The following TDRP variants were observed in gnomAD, a reference collection of about 807,000 sequenced individuals.
The protein encoded by TDRP is testis development related protein.
TDRP carries 12 observed loss-of-function variants against 10.5 expected under a neutral mutation model. The ratio of observed to expected loss-of-function variants is 1.15; its 90% CI spans 0.73 to 1.86. The LOEUF (loss-of-function observed/expected upper bound fraction) is 1.86. Among genes scored for constraint, TDRP ranks in the 40% most tolerant of loss-of-function variants. The pLI, the probability that TDRP is intolerant of heterozygous loss-of-function variation, is 0.00. For synonymous variants in TDRP, 139 were observed against 95.4 expected (o/e 1.46, Z -2.67); for missense variants, 353 against 229.2 (o/e 1.54, Z -3.49).
At position 491,508 on chromosome 8, in the gene TDRP, C is replaced by T. The variant is rs1477648478; in HGVS notation, c.*891G>A. 4.5e-6 allele frequency: 5 copies of T among 1,113,752 alleles called. No homozygotes were observed. Among genetic ancestry groups the T allele is most frequent in the Non-Finnish European group, 6.2e-6 (5 of 811,922 alleles). 69.0% of individuals were successfully genotyped at this position (1,113,752 alleles called of 1,614,324 possible). A position where few individuals can be genotyped will look rare whatever the true frequency, so the allele number is the denominator to read the frequency against. On this transcript the variant is annotated 3_prime_UTR_variant, in exon 3 of 3. Transcript: ENST00000324079. The stretch of plus-strand genomic sequence containing the variant: ...AACACAGCTTCTTACAGATCTAACA[C>T]CAATCACAATAGGCATCTCGCTTTG...
At chr8:532,839 ACGATCGTTCATTTACAAGT>A (rs1023651104) in intron 1 of TDRP, among the ~76,000 whole-genome samples, 3 of 125,110 alleles carry the variant, frequency 2.4e-5, no homozygotes, top group Non-Finnish European at 5.9e-5. Flanking sequence ...GAACCCAGCC[ACGATCGTTCATTTACAAGT>A]TGCCTACGGC....
At chr8:539,282 A>C (rs926630260) in intron 1 of TDRP, among the ~76,000 whole-genome samples, 3 of 152,252 alleles carry the variant, frequency 2.0e-5, no homozygotes, top group Non-Finnish European at 1.5e-5. Flanking sequence ...AAGAAGCTGG[A>C]GCTCCCTCTG....
At chr8:519,860 C>G (rs1048727084) in intron 1 of TDRP, among the ~76,000 whole-genome samples, 1 of 152,208 alleles carries the variant, frequency 6.6e-6, no homozygotes, top group Non-Finnish European at 1.5e-5. Context: ...GGTGAAGGGG[C>G]TGGCGCCACT....
At chr8:522,801 GT>G (rs2116827176) in intron 1 of TDRP, among the ~76,000 whole-genome samples, 1 of 152,256 alleles carries the variant, frequency 6.6e-6, no homozygotes, top group East Asian at 1.9e-4. Flanking sequence ...TTTTGTGACA[GT>G]TTTTGACTTT....
At chr8:511,234 G>A (rs1270916619) in intron 1 of TDRP, among the ~76,000 whole-genome samples, 1 of 152,114 alleles carries the variant, frequency 6.6e-6, no homozygotes, top group Non-Finnish European at 1.5e-5. Flanking sequence ...CTGCCTATAG[G>A]AGACACACTT....
chr8:526,846 TC>T (rs1356686176), intron 1 of TDRP, among the ~76,000 whole-genome samples: 2 of 152,110 alleles, frequency 1.3e-5, no homozygotes, highest in Non-Finnish European at 1.5e-5. Flanking sequence ...GTACTGGAAG[TC>T]CTAGCTAGAG....
intron 1 of TDRP, among the ~76,000 whole-genome samples, chr8:521,292 C>T (rs894820242): frequency 1.9e-4 from 29 of 151,130 alleles, no homozygotes; most frequent in Middle Eastern, 3.5e-3. Context: ...TGGTGGGCGC[C>T]TGTAGTCCCA....
chr8:512,675 T>C (rs1471904658), intron 1 of TDRP, among the ~76,000 whole-genome samples: 1 of 151,700 alleles, frequency 6.6e-6, no homozygotes, highest in African/African-American at 2.4e-5. Flanking sequence ...TCTGAATACA[T>C]ATATAACAAG....
intron 1 of TDRP, among the ~76,000 whole-genome samples, chr8:537,434 A>C (rs1802376086): frequency 6.6e-6 from 1 of 152,126 alleles, no homozygotes; most frequent in African/African-American, 2.4e-5. Flanking sequence ...AAAAGCATTA[A>C]CTATTTCTAT....
At chr8:513,110 C>CA (rs36060467) in intron 1 of TDRP, among the ~76,000 whole-genome samples, 38,601 of 147,008 alleles carry the variant, frequency 0.26, 6,362 homozygotes, top group African/African-American at 0.48. Context: ...CACACTATTT[C>CA]AAAAAAAAAA....
chr8:522,036 T>A (rs1373812198), intron 1 of TDRP, among the ~76,000 whole-genome samples: 1 of 152,218 alleles, frequency 6.6e-6, no homozygotes, highest in Non-Finnish European at 1.5e-5. Context: ...TGTAAAAATG[T>A]GCCTGACTTT....
chr8:528,471 G>T lies in TDRP; in HGVS notation c.108+16179C>A, dbSNP rs892711506. Reference sequence around the variant, plus strand: ...GATATCTGTGCTTCCAATATATATTGCAGCACTGTTCACAACAGCCAAGAT... The same window carrying T: ...GATATCTGTGCTTCCAATATATATTTCAGCACTGTTCACAACAGCCAAGAT... On this transcript the variant is annotated intron_variant, in intron 1 of 2. Transcript: ENST00000324079. Among the ~76,000 whole-genome samples the T allele has an allele frequency of 4.6e-5, 7 of 150,656 alleles. 1 individual carries two copies. The East Asian group carries it at 6.0e-4, about 13-fold the overall frequency.
intron 1 of TDRP, among the ~76,000 whole-genome samples, chr8:499,645 T>A (rs1801231927): frequency 6.6e-6 from 1 of 152,204 alleles, no homozygotes; most frequent in African/African-American, 2.4e-5. Flanking sequence ...TGAGGAGTGC[T>A]GTGAGGCCAC....
chr8:529,557 G>A (rs1802128880), intron 1 of TDRP, among the ~76,000 whole-genome samples: 1 of 122,882 alleles, frequency 8.1e-6, no homozygotes, highest in African/African-American at 3.2e-5. Context: ...TAGATCTAGT[G>A]GTGGTGAACT....
chr8:544,697 G>C lies in TDRP; in HGVS notation c.61C>G (p.Leu21Val). 8.0e-7 allele frequency: 1 copy of C among 1,245,892 alleles called. No individual in the cohort carries two copies. The highest frequency in any genetic ancestry group is 3.7e-5 in the South Asian group (1 of 27,030). The allele number at this position is 1,245,892 out of a possible 1,614,324, so 77.2% of individuals were successfully genotyped here. A position where few individuals can be genotyped will look rare whatever the true frequency, so the allele number is the denominator to read the frequency against. The change falls in exon 1 of 3, where the codon CTG becomes GTG. Residue 21 changes from leucine (L) to valine (V), a missense_variant. Transcript: ENST00000324079. ...GCGGCCGGTGGCGGCCCCCCACGCA[G>C]GCCGTCCTCCTCCTCGGGGGGCTCG... ...LDEPPEEEDG[L>V]RGGPPPAAAA...
intron 2 of TDRP, 141 bp from the exon 3 acceptor site, chr8:492,885 T>C: frequency 2.7e-6 from 2 of 731,280 alleles, no homozygotes; most frequent in Admixed American, 3.4e-5. Flanking sequence ...AAGTTTCAAA[T>C]ATTAAAATTA....
At chr8:505,150 T>C (rs1371139151) in intron 1 of TDRP, among the ~76,000 whole-genome samples, 1 of 152,170 alleles carries the variant, frequency 6.6e-6, no homozygotes, top group Non-Finnish European at 1.5e-5. Flanking sequence ...AACCAAAAAT[T>C]CTCAACACTG....
intron 1 of TDRP, among the ~76,000 whole-genome samples, chr8:504,570 T>C (rs1217459235): frequency 6.6e-6 from 1 of 152,200 alleles, no homozygotes. Context: ...CAAACCGTGA[T>C]TCGCAGACAG....
chr8:504,253 A>T (rs559551926), intron 1 of TDRP, among the ~76,000 whole-genome samples: 1 of 152,344 alleles, frequency 6.6e-6, no homozygotes, highest in South Asian at 2.1e-4. Context: ...TTTTAAAAAC[A>T]AACGGAGGAC....
Sources: gnomAD v4.1 joint callset for allele counts (sites outside exome capture counted in the v4.1 genomes callset) on GRCh38, gnomAD v4.1.1 for gene constraint, MANE v1.5 for transcripts, NCBI Gene and HGNC (gene_info 2026-07-23, HGNC 2026-07-21) for gene names.